The following GSAP variants were observed in gnomAD, a reference collection of about 807,000 sequenced individuals.
GSAP encodes the protein gamma-secretase-activating protein.
GSAP carries 118 observed loss-of-function variants against 131.7 expected under a neutral mutation model. The observed-to-expected ratio is 0.90, with a 90% CI of 0.77 to 1.04. The LOEUF (loss-of-function observed/expected upper bound fraction) is 1.04, where lower values mean the gene tolerates loss of function less well. Among genes scored for constraint, GSAP ranks in the 50% least tolerant of loss-of-function variants. The pLI, the probability that GSAP is intolerant of heterozygous loss-of-function variation, is 0.00. For missense variants in GSAP, 1,019 were observed against 1,013.2 expected (o/e 1.01, Z -0.08); for synonymous variants, 381 against 363.4 (o/e 1.05, Z -0.55).
At chr7:77,366,339 G>A (rs896842320) in intron 12 of GSAP, among the ~76,000 whole-genome samples, 2 of 152,062 alleles carry the variant, frequency 1.3e-5, no homozygotes, top group African/African-American at 4.8e-5. Flanking sequence ...TATTGCCTAC[G>A]TTTTCTTTCA....
At position 77,311,232 on chromosome 7, in the gene GSAP, T is replaced by A. The variant is rs1179234257; in HGVS notation, c.*126A>T. 1 of 663,832 alleles carries A rather than the reference T, an allele frequency of 1.5e-6. No individual in the cohort carries two copies. Among genetic ancestry groups the A allele is most frequent in the African/African-American group, 1.8e-5 (1 of 55,666 alleles). The allele number at this position is 663,832 out of a possible 1,614,324, so 41.1% of individuals were successfully genotyped here. On this transcript the variant is annotated 3_prime_UTR_variant, in exon 31 of 31. Coordinates refer to ENST00000257626, the MANE Select transcript of GSAP (RefSeq NM_017439.4). ...AACGTGTACCAACCTGAAACTCACA[T>A]GGCTAAACAATTATGGCTAAACTAT...
chr7:77,349,076 G>A (rs945388286), intron 19 of GSAP, among the ~76,000 whole-genome samples: 1 of 152,174 alleles, frequency 6.6e-6, no homozygotes, highest in African/African-American at 2.4e-5. Context: ...CTGAGGTACA[G>A]TGGCAAGTGC....
rs756884225 is a variant in GSAP, at chr7:77,338,865, G to T, written c.1546-8498C>A. 1.0e-3 allele frequency among the ~76,000 whole-genome samples: 154 copies of T among 152,248 alleles called. 2 individuals carry two copies. The highest frequency in any genetic ancestry group is 3.7e-4 in the Non-Finnish European group (25 of 68,034). On this transcript the variant is annotated intron_variant, in intron 19 of 30. Transcript: ENST00000257626. The stretch of plus-strand genomic sequence containing the variant: ...ATAGTGTTCCACTTTATACTAAAAG[G>T]AAGTGCTTCAGAATGCAGACAGAAC...
At chr7:77,335,008 G>A (rs369694060) in intron 19 of GSAP, among the ~76,000 whole-genome samples, 6 of 152,014 alleles carry the variant, frequency 3.9e-5, no homozygotes, top group South Asian at 4.1e-4. Flanking sequence ...GCATGAACCC[G>A]GGAGGCAGAG....
chr7:77,323,762 T>C lies in GSAP; in HGVS notation c.1828-20A>G, dbSNP rs777330098. ...CACCATCTGAAAACAGGATATGCAT[T>C]AAATAAGTCACAGCCTACCCACTCA... On this transcript the variant is annotated intron_variant, in intron 23 of 30. Transcript: ENST00000257626. The C allele has an allele frequency of 8.0e-7, 1 of 1,243,520 alleles. No homozygotes were observed. The highest frequency in any genetic ancestry group is 2.4e-5 in the East Asian group (1 of 42,398). 77.0% of individuals were successfully genotyped at this position (1,243,520 alleles called of 1,614,324 possible).
chr7:77,370,096 A>T lies in GSAP; in HGVS notation c.871+3974T>A, dbSNP rs983959627. On this transcript the variant is annotated intron_variant, in intron 12 of 30. Transcript: ENST00000257626. Reference sequence around the variant, plus strand: ...GGTCACGAGAAATTCCTGTGGAAATAGAAAAAGGAATAAAAAGCCACACTG... The same window carrying T: ...GGTCACGAGAAATTCCTGTGGAAATTGAAAAAGGAATAAAAAGCCACACTG... Among the ~76,000 whole-genome samples, 38 of 152,178 alleles carry T rather than the reference A, an allele frequency of 2.5e-4. 1 individual carries two copies. The highest frequency in any genetic ancestry group is 2.2e-3 in the Admixed American group (33 of 15,244).
intron 8 of GSAP, among the ~76,000 whole-genome samples, chr7:77,378,803 T>TAA (rs1260296909): frequency 6.6e-6 from 1 of 152,198 alleles, no homozygotes; most frequent in African/African-American, 2.4e-5. Flanking sequence ...AGTTAAGAAT[T>TAA]AACTTTCCTC....
At chr7:77,380,958 A>C (rs531968821) in intron 8 of GSAP, among the ~76,000 whole-genome samples, 14 of 152,338 alleles carry the variant, frequency 9.2e-5, no homozygotes, top group African/African-American at 3.4e-4. Context: ...CAGCAGGTAA[A>C]TATATGTATT....
chr7:77,351,499 T>G, intron 18 of GSAP: 2 of 981,680 alleles, frequency 2.0e-6, no homozygotes, highest in African/African-American at 3.5e-5. Flanking sequence ...CATAGACTGA[T>G]AGATTTTCAA....
intron 21 of GSAP, among the ~76,000 whole-genome samples, 176 bp from the exon 22 acceptor site, chr7:77,328,813 T>C (rs1435569618): frequency 1.3e-5 from 2 of 152,144 alleles, no homozygotes; most frequent in African/African-American, 2.4e-5. Flanking sequence ...CATTAGGCAA[T>C]TAAAAAATCT....
intron 1 of GSAP, among the ~76,000 whole-genome samples, chr7:77,415,019 A>C (rs149347451): frequency 2.6e-5 from 4 of 151,984 alleles, no homozygotes; most frequent in Non-Finnish European, 5.9e-5. Flanking sequence ...CACCACGCCC[A>C]GCTAATTTTT....
At chr7:77,335,640 A>AC (rs1789874511) in intron 19 of GSAP, among the ~76,000 whole-genome samples, 1 of 150,848 alleles carries the variant, frequency 6.6e-6, no homozygotes, top group Non-Finnish European at 1.5e-5. Flanking sequence ...AAAACAAACA[A>AC]AAAAAAAAGC....
chr7:77,412,071 T>C (rs1231573914), intron 1 of GSAP, among the ~76,000 whole-genome samples: 3 of 152,114 alleles, frequency 2.0e-5, no homozygotes, highest in Admixed American at 1.3e-4. Flanking sequence ...CCCAGCTACT[T>C]GGGAGGCTGA....
At chr7:77,407,001 A>T (rs1802390944) in intron 1 of GSAP, among the ~76,000 whole-genome samples, 1 of 152,184 alleles carries the variant, frequency 6.6e-6, no homozygotes, top group Non-Finnish European at 1.5e-5. Context: ...GGATGCAGCT[A>T]TCTGTAAGAG....
At position 77,406,965 on chromosome 7, in the gene GSAP, G is replaced by T. The variant is rs554388881; in HGVS notation, c.110-860C>A. ...TCTGCTAAAGGCCTCTGATAAAGAG[G>T]CCTCTAAATGAAGAACCCGGGCTAG... On this transcript the variant is annotated intron_variant, in intron 1 of 30. Coordinates refer to ENST00000257626, the MANE Select transcript of GSAP (RefSeq NM_017439.4). Among the ~76,000 whole-genome samples, 24 of 152,312 alleles carry T rather than the reference G, an allele frequency of 1.6e-4. No homozygotes were observed. In the East Asian group the frequency reaches 2.5e-3, roughly 16 times the overall value.
At chr7:77,353,067 G>T (rs1229189085) in intron 17 of GSAP, 41 bp from the exon 18 acceptor site, 4 of 1,114,614 alleles carry the variant, frequency 3.6e-6, no homozygotes, top group African/African-American at 1.5e-5. Flanking sequence ...AAAAGATGTG[G>T]TTTAATAAGA....
intron 14 of GSAP, among the ~76,000 whole-genome samples, chr7:77,359,206 A>AC (rs527948063): frequency 1.2e-4 from 18 of 152,236 alleles, no homozygotes; most frequent in African/African-American, 4.3e-4. Flanking sequence ...ATCTCAAAAA[A>AC]AAAAAGAAAC....
chr7:77,348,693 A>G (rs139072692), intron 19 of GSAP, among the ~76,000 whole-genome samples: 1 of 152,322 alleles, frequency 6.6e-6, no homozygotes, highest in Non-Finnish European at 1.5e-5. Context: ...CCCTAGTTTT[A>G]ACTACATACA....
intron 6 of GSAP, among the ~76,000 whole-genome samples, chr7:77,385,728 G>A (rs546875832): frequency 7.2e-5 from 11 of 152,230 alleles, no homozygotes; most frequent in African/African-American, 1.7e-4. Context: ...GGGGAAATGC[G>A]CAGCTGAAAG....
Sources: gnomAD v4.1 joint callset for allele counts (sites outside exome capture counted in the v4.1 genomes callset) on GRCh38, gnomAD v4.1.1 for gene constraint, MANE v1.5 for transcripts, NCBI Gene and HGNC (gene_info 2026-07-23, HGNC 2026-07-21) for gene names.